APOBEC1: variants seen among roughly 807,000 people sequenced by gnomAD.
APOBEC1 encodes C->U-editing enzyme APOBEC-1.
APOBEC1 carries 22 observed loss-of-function variants against 26.3 expected under a neutral mutation model. The observed-to-expected ratio is 0.84, with a 90% CI of 0.60 to 1.19. APOBEC1 has a LOEUF of 1.19. Among genes scored for constraint, APOBEC1 ranks in the 50% most tolerant of loss-of-function variants. The pLI, the probability that APOBEC1 is intolerant of heterozygous loss-of-function variation, is 0.00. For missense variants in APOBEC1, 253 were observed against 289.0 expected, an observed-to-expected ratio of 0.88 and a Z score of 0.90; for synonymous variants, 77 against 95.3, an observed-to-expected ratio of 0.81 and a Z score of 1.12.
intron 1 of APOBEC1, among the ~76,000 whole-genome samples, chr12:7,665,045 T>A (rs970933011): frequency 5.3e-5 from 8 of 152,174 alleles, no homozygotes; most frequent in Non-Finnish European, 1.0e-4. Context: ...CGCTAGTCTC[T>A]AAAAACAAAA....
chr12:7,662,677 C>T (rs1005992190), intron 1 of APOBEC1, among the ~76,000 whole-genome samples: 1 of 152,118 alleles, frequency 6.6e-6, no homozygotes, highest in Non-Finnish European at 1.5e-5. Context: ...TCAGAGAAGA[C>T]ATCTATAAAG....
chr12:7,652,384 A>G lies in APOBEC1; in HGVS notation c.442+54T>C, dbSNP rs1863655213. On this transcript the variant is annotated intron_variant, in intron 3 of 4. Coordinates refer to ENST00000229304, the MANE Select transcript of APOBEC1 (RefSeq NM_001644.5). ...CCAATCTTCTGGCCTAAAAACAGCTACTATCACCACAGTCTGTTGTAAACA... is the reference window on the plus strand; with the variant it reads ...CCAATCTTCTGGCCTAAAAACAGCTGCTATCACCACAGTCTGTTGTAAACA... The G allele has an allele frequency of 1.9e-5, 29 of 1,500,538 alleles. 1 individual carries two copies. The South Asian group carries it at 3.6e-4, about 19-fold the overall frequency. The allele number at this position is 1,500,538 out of a possible 1,614,324, so 93.0% of individuals were successfully genotyped here. A position where few individuals can be genotyped will look rare whatever the true frequency, so the allele number is the denominator to read the frequency against.
At chr12:7,650,518 TC>T (rs1863623132) in intron 4 of APOBEC1, among the ~76,000 whole-genome samples, 1 of 152,228 alleles carries the variant, frequency 6.6e-6, no homozygotes, top group African/African-American at 2.4e-5. Context: ...AATTCCCTTC[TC>T]CACTTACCTC....
chr12:7,652,446 C>G lies in APOBEC1; in HGVS notation c.434G>C (p.Arg145Thr). 3.1e-6 allele frequency: 5 copies of G among 1,611,604 alleles called. No homozygotes were observed. The highest frequency in any genetic ancestry group is 4.2e-6 in the Non-Finnish European group (5 of 1,179,070). The change falls in exon 3 of 5, where the codon AGA (arginine) becomes ACA (threonine). Residue 145 changes from arginine to threonine, a missense_variant. Physicochemically the swap from Arg to Thr is moderately conservative, Grantham distance 71. Transcript: ENST00000229304. ...VNSGVTIQIMRASEYYHCWRN... is the reference protein window; with the variant it reads ...VNSGVTIQIMTASEYYHCWRN... ...TTGTTTACTGTTTTTACCTGATGCTCTCATAATCTGAATAGTTACTCCACT... is the reference window on the plus strand; with the variant it reads ...TTGTTTACTGTTTTTACCTGATGCTGTCATAATCTGAATAGTTACTCCACT...
chr12:7,665,748 G>A, intron 1 of APOBEC1, 109 bp downstream of exon 1: 1 of 983,464 alleles, frequency 1.0e-6, no homozygotes, highest in Non-Finnish European at 1.5e-6. Flanking sequence ...GCAAGAATCA[G>A]CAGGACACAC....
intron 1 of APOBEC1, among the ~76,000 whole-genome samples, chr12:7,657,139 C>A (rs979923420): frequency 1.3e-5 from 2 of 151,842 alleles, no homozygotes; most frequent in African/African-American, 4.8e-5. Context: ...ATAAACATCT[C>A]AATTACATAT....
intron 3 of APOBEC1, among the ~76,000 whole-genome samples, chr12:7,651,535 A>C (rs1391076603): frequency 1.4e-5 from 2 of 147,970 alleles, no homozygotes; most frequent in Admixed American, 1.4e-4. Flanking sequence ...AATGGCGTGA[A>C]CCCCAGGTGG....
At chr12:7,654,372 CTT>C (rs373055650) in intron 2 of APOBEC1, among the ~76,000 whole-genome samples, 20,775 of 136,478 alleles carry the variant, frequency 0.15, 1,605 homozygotes, top group South Asian at 0.29. Context: ...TCCACAGTTC[CTT>C]TTTTTTTTTT....
At chr12:7,658,307 GCC>G (rs1863745706) in intron 1 of APOBEC1, among the ~76,000 whole-genome samples, 1 of 152,086 alleles carries the variant, frequency 6.6e-6, no homozygotes, top group South Asian at 2.1e-4. Flanking sequence ...CATGTGATCT[GCC>G]CCTCTCAGCA....
intron 1 of APOBEC1, among the ~76,000 whole-genome samples, chr12:7,659,830 G>A (rs1284087236): frequency 1.3e-5 from 2 of 152,000 alleles, no homozygotes; most frequent in African/African-American, 2.4e-5. Context: ...CTGGCCAGGC[G>A]TGGTGGCGGG....
chr12:7,660,936 C>G (rs187884038), intron 1 of APOBEC1, among the ~76,000 whole-genome samples: 2 of 149,708 alleles, frequency 1.3e-5, no homozygotes, highest in African/African-American at 4.9e-5. Context: ...GCTCACACCT[C>G]TAATCCCAGC....
At chr12:7,656,112 C>T (rs776518242) in intron 1 of APOBEC1, among the ~76,000 whole-genome samples, 1 of 151,946 alleles carries the variant, frequency 6.6e-6, no homozygotes, top group Non-Finnish European at 1.5e-5. Flanking sequence ...GCTGGGATTA[C>T]AGGCATGATT....
chr12:7,657,588 C>A (rs939109296), intron 1 of APOBEC1, among the ~76,000 whole-genome samples: 3 of 117,954 alleles, frequency 2.5e-5, no homozygotes, highest in South Asian at 2.5e-4. Context: ...AAAAAACAAA[C>A]CAGGCTGTAG....
chr12:7,666,674 A>T (rs1366025234), upstream of APOBEC1, among the ~76,000 whole-genome samples: 1 of 152,110 alleles, frequency 6.6e-6, no homozygotes, highest in Non-Finnish European at 1.5e-5. Flanking sequence ...ATAGCTTGAA[A>T]ATTTTTATGT....
upstream of APOBEC1, among the ~76,000 whole-genome samples, chr12:7,666,973 G>A (rs752124943): frequency 7.3e-5 from 11 of 150,274 alleles, no homozygotes; most frequent in Admixed American, 2.0e-4. Flanking sequence ...GTGCAATGGC[G>A]CGATCTCGGC....
intron 1 of APOBEC1, among the ~76,000 whole-genome samples, chr12:7,659,322 A>AAAAAAAATAT (rs1555094633): frequency 2.2e-4 from 10 of 46,268 alleles, no homozygotes; most frequent in African/African-American, 5.0e-4. Context: ...AAAAAAAAAA[A>AAAAAAAATAT]ATATATATAT....
Position 7,665,845 on chromosome 12 carries a change from G to C in APOBEC1, c.16+12C>G, listed in dbSNP as rs1863886440. On this transcript the variant is annotated intron_variant, in intron 1 of 4. Transcript: ENST00000229304. ...TTCAAGAATACTTGCCAAGCCCCCG[G>C]ATCCATTTTACCTTTCTCAGAAGTC... The C allele has an allele frequency of 6.2e-7, 1 of 1,605,092 alleles. No homozygotes were observed. Among genetic ancestry groups the C allele is most frequent in the African/African-American group, 1.4e-5 (1 of 73,014 alleles).
At chr12:7,659,322 A>AATATATATATATATATAT (rs1328982852) in intron 1 of APOBEC1, among the ~76,000 whole-genome samples, 21 of 46,270 alleles carry the variant, frequency 4.5e-4, no homozygotes, top group Non-Finnish European at 5.9e-4. Flanking sequence ...AAAAAAAAAA[A>AATATATATATATATATAT]ATATATATAT....
At chr12:7,658,737 T>G (rs113348556) in intron 1 of APOBEC1, among the ~76,000 whole-genome samples, 32,528 of 150,788 alleles carry the variant, frequency 0.22, 3,559 homozygotes, top group Middle Eastern at 0.28. Flanking sequence ...TGGATCACCT[T>G]AGGTCAGGAG....
Sources: allele counts gnomAD v4.1 joint callset (sites outside exome capture counted in the v4.1 genomes callset), GRCh38; gene constraint gnomAD v4.1.1; transcripts MANE v1.5; gene names NCBI Gene and HGNC (gene_info 2026-07-23, HGNC 2026-07-21).